The following TRANK1 variants were observed in gnomAD, a reference collection of about 807,000 sequenced individuals.
The protein encoded by TRANK1 is TPR and ankyrin repeat-containing protein 1.
In TRANK1, 198 loss-of-function variants were observed where a neutral mutation model predicts 266.0. The ratio of observed to expected loss-of-function variants is 0.74; its 90% CI spans 0.66 to 0.84. TRANK1 has a LOEUF of 0.84. Ranked by LOEUF, TRANK1 falls within the 40% of genes least tolerant of loss-of-function variation. The probability of loss-of-function intolerance (pLI) is 0.00; values close to 1 mark genes in which losing one functional copy is unlikely to be tolerated. For missense variants in TRANK1, 3,326 were observed against 3,634.6 expected (o/e 0.92, Z 2.18); for synonymous variants, 1,396 against 1,384.1 (o/e 1.01, Z -0.19).
At chr3:36,942,482 C>CAAAAAAAAAAAAA (rs565174922) in intron 1 of TRANK1, among the ~76,000 whole-genome samples, 1 of 79,946 alleles carries the variant, frequency 1.3e-5, no homozygotes, top group Non-Finnish European at 2.4e-5. Context: ...TCTTCTTCCT[C>CAAAAAAAAAAAAA]AAAAAAAAAA....
chr3:36,848,552 G>A (rs561350406), intron 15 of TRANK1, among the ~76,000 whole-genome samples: 4 of 152,302 alleles, frequency 2.6e-5, no homozygotes, highest in South Asian at 4.1e-4. Context: ...CTGAAAAGGT[G>A]AAGTGGATAG....
intron 8 of TRANK1, among the ~76,000 whole-genome samples, chr3:36,889,097 G>A (rs991098877): frequency 2.6e-5 from 4 of 152,172 alleles, no homozygotes; most frequent in Non-Finnish European, 5.9e-5. Context: ...TGACAGCCCA[G>A]CCTGGTTCCT....
intron 4 of TRANK1, among the ~76,000 whole-genome samples, chr3:36,898,102 G>T (rs1490286921): frequency 6.6e-6 from 1 of 152,174 alleles, no homozygotes; most frequent in Non-Finnish European, 1.5e-5. Flanking sequence ...GGCCCTTCCA[G>T]GTTATCTTCA....
chr3:36,928,612 A>G (rs2080320698), intron 1 of TRANK1, among the ~76,000 whole-genome samples: 2 of 148,146 alleles, frequency 1.4e-5, no homozygotes, highest in East Asian at 2.2e-4. Flanking sequence ...AATAACTTGT[A>G]TCTCTGTGAC....
intron 15 of TRANK1, among the ~76,000 whole-genome samples, chr3:36,848,893 G>A (rs377541215): frequency 7.9e-5 from 12 of 152,150 alleles, no homozygotes; most frequent in African/African-American, 2.7e-4. Flanking sequence ...AAGGGCTAAG[G>A]AAGAACAGGG....
At chr3:36,870,962 T>TAAAAAAAAAAAAAAAAAAA (rs563787088) in intron 9 of TRANK1, among the ~76,000 whole-genome samples, 4 of 65,094 alleles carry the variant, frequency 6.1e-5, no homozygotes, top group Admixed American at 1.9e-4. Context: ...ACAAGGAAAC[T>TAAAAAAAAAAAAAAAAAAA]AAAAAAAAAA....
In TRANK1 at chr3:36,831,892, A is replaced by G. The variant is rs761585438; in HGVS notation, c.7691T>C (p.Val2564Ala). 5.0e-6 allele frequency: 8 copies of G among 1,614,038 alleles called. No homozygotes were observed. Among genetic ancestry groups the G allele is most frequent in the Non-Finnish European group, 5.9e-6 (7 of 1,179,892 alleles). The stretch of plus-strand genomic sequence containing the variant: ...ATTCACTAGCATCACCAAGCACAGC[A>G]CCAGTGTCCGCTCAGCCTCACCCGA... ...VVSGEAERTL[V>A]LCLVMLVNAE... The change falls in exon 22 of 24, where the codon GTG (valine) becomes GCG (alanine). Residue 2564 changes from valine (V) to alanine (A), a missense_variant. By Grantham distance (64) the Val-to-Ala change is moderately conservative (BLOSUM62 0). Transcript: ENST00000645898. The surrounding 1 kb of genome is among the most constrained non-coding windows in gnomAD (Gnocchi z 5.0).
Position 36,913,728 on chromosome 3 carries a change from G to A in TRANK1, c.24-5274C>T, listed in dbSNP as rs554917949. Among the ~76,000 whole-genome samples, 13 of 152,004 alleles carry A rather than the reference G, an allele frequency of 8.6e-5. No homozygotes were observed. In the East Asian group the frequency reaches 1.5e-3, roughly 18 times the overall value. On this transcript the variant is annotated intron_variant, in intron 1 of 23. Coordinates refer to ENST00000645898, the MANE Select transcript of TRANK1 (RefSeq NM_001329998.2). Reference sequence around the variant, plus strand: ...AAACTCACTCAAAATATTTCATAAGGCCCCTGGAAAAGTATGTGGTGCTGC... The same window carrying A: ...AAACTCACTCAAAATATTTCATAAGACCCCTGGAAAAGTATGTGGTGCTGC...
Position 36,831,918 on chromosome 3 carries a change from G to A in TRANK1, c.7665C>T (p.Val2555=). ...LDAFSEIDYV[V]SGEAERTLVL... ...CCAGTGTCCGCTCAGCCTCACCCGA[G>A]ACCACATAGTCTATTTCACTGAAGG... is the stretch of plus-strand genomic sequence containing the variant. Residue 2555 remains valine (V), a synonymous_variant, in exon 22 of 24, where the codon GTC becomes GTT. Transcript: ENST00000645898. This position sits in a 1 kb window ranked among gnomAD's most constrained non-coding sequence, Gnocchi z 5.0. 6.2e-7 allele frequency: 1 copy of A among 1,614,026 alleles called. No homozygotes were observed. Among genetic ancestry groups the A allele is most frequent in the Non-Finnish European group, 8.5e-7 (1 of 1,179,904 alleles).
intron 8 of TRANK1, among the ~76,000 whole-genome samples, chr3:36,881,440 C>T (rs1336576678): frequency 3.3e-5 from 5 of 150,808 alleles, no homozygotes; most frequent in Non-Finnish European, 7.4e-5. Flanking sequence ...CAGAGCAAGA[C>T]TCCGTCTCAA....
chr3:36,845,811 AG>A (rs58040726), intron 17 of TRANK1, among the ~76,000 whole-genome samples: 1 of 152,340 alleles, frequency 6.6e-6, no homozygotes, highest in African/African-American at 2.4e-5. Context: ...AACTACAAAC[AG>A]GGTTGTGATG....
chr3:36,858,418 T>C (rs1384972875), intron 12 of TRANK1, among the ~76,000 whole-genome samples: 1 of 152,184 alleles, frequency 6.6e-6, no homozygotes, highest in Non-Finnish European at 1.5e-5. Context: ...TCTAGCAAGA[T>C]CCTTCATACG....
intron 8 of TRANK1, among the ~76,000 whole-genome samples, chr3:36,886,031 G>C (rs1477504883): frequency 6.6e-6 from 1 of 151,986 alleles, no homozygotes; most frequent in Non-Finnish European, 1.5e-5. Context: ...AGGAGCCTGT[G>C]AGAGTTGAGA....
In TRANK1 at chr3:36,899,129, C is replaced by A; in HGVS notation, c.413G>T (p.Gly138Val). The change falls in exon 4 of 24, where the codon GGA (glycine) becomes GTA (valine). Residue 138 changes from glycine to valine, a missense_variant. Physicochemically the swap from Gly to Val is moderately radical, Grantham distance 109 (BLOSUM62 -3). Coordinates refer to ENST00000645898, the MANE Select transcript of TRANK1 (RefSeq NM_001329998.2). Reference sequence around the variant, plus strand: ...CTTACTGCTCATAGTGGTGAAGACTCCAACAAGGAAATCAGCAACCGGTGC... The same window carrying A: ...CTTACTGCTCATAGTGGTGAAGACTACAACAAGGAAATCAGCAACCGGTGC... ...DQAPVADFLV[G>V]VFTTMSSDSI... 6.5e-7 allele frequency: 1 copy of A among 1,537,226 alleles called. No homozygotes were observed. Among genetic ancestry groups the A allele is most frequent in the Non-Finnish European group, 8.7e-7 (1 of 1,146,910 alleles).
chr3:36,832,173 G>C lies in TRANK1; in HGVS notation c.7410C>G (p.Leu2470=), dbSNP rs1224253230. ...GGAGGCATAGAATGACATTCTTCCAGAGGCGGGCCAGCACCACCCCACAGT... is the reference window on the plus strand; with the variant it reads ...GGAGGCATAGAATGACATTCTTCCACAGGCGGGCCAGCACCACCCCACAGT... ...FIHCGVVLAR[L]WKNVILCLPK... is the part of the protein sequence containing the mutation. Residue 2470 remains leucine (L), a synonymous_variant, in exon 22 of 24, where the codon CTC becomes CTG. Transcript: ENST00000645898. 1 of 1,613,996 alleles carries C rather than the reference G, an allele frequency of 6.2e-7. No individual in the cohort carries two copies. Among genetic ancestry groups the C allele is most frequent in the Non-Finnish European group, 8.5e-7 (1 of 1,179,898 alleles).
At chr3:36,836,992 A>G (rs906697952) in intron 20 of TRANK1, among the ~76,000 whole-genome samples, 5 of 152,162 alleles carry the variant, frequency 3.3e-5, no homozygotes, top group Non-Finnish European at 7.3e-5. Flanking sequence ...TGCCACAGTC[A>G]CCAAGGCCCT....
intron 2 of TRANK1, among the ~76,000 whole-genome samples, chr3:36,905,645 C>CG (rs1326224091): frequency 6.6e-6 from 1 of 152,126 alleles, no homozygotes; most frequent in Non-Finnish European, 1.5e-5. Context: ...GGATGACTGC[C>CG]GGGAGCCAGA....
chr3:36,904,478 C>A (rs1054281215), intron 2 of TRANK1, among the ~76,000 whole-genome samples: 1 of 151,588 alleles, frequency 6.6e-6, no homozygotes, highest in African/African-American at 2.4e-5. Context: ...CAAGATCGCA[C>A]CACTGCACTC....
At position 36,834,914 on chromosome 3, in the gene TRANK1, T is replaced by C. The variant is rs981434353; in HGVS notation, c.5518-7A>G. On this transcript the variant is annotated splice_polypyrimidine_tract_variant and splice_region_variant and intron_variant, in intron 20 of 23. Transcript: ENST00000645898. ...AATAGGCAGCATCTCTTATCTAGGATGGAGTAAATTTTACTTTTATTTAGA... is the reference window on the plus strand; with the variant it reads ...AATAGGCAGCATCTCTTATCTAGGACGGAGTAAATTTTACTTTTATTTAGA... 2.5e-6 allele frequency: 4 copies of C among 1,594,734 alleles called. No individual in the cohort carries two copies. The highest frequency in any genetic ancestry group is 2.6e-6 in the Non-Finnish European group (3 of 1,173,340).
Sources: gnomAD v4.1 joint callset for allele counts (sites outside exome capture counted in the v4.1 genomes callset) on GRCh38, gnomAD v4.1.1 for gene constraint, Gnocchi (gnomAD v3.1) non-coding constraint, MANE v1.5 for transcripts, NCBI Gene and HGNC (gene_info 2026-07-23, HGNC 2026-07-21) for gene names.